Variants in PPIL2 observed in about 807,000 individuals in gnomAD.
PPIL2 encodes the protein RING-type E3 ubiquitin-protein ligase PPIL2.
In PPIL2, 50 loss-of-function variants were observed where a neutral mutation model predicts 75.2. That is an observed-to-expected ratio of 0.66 (90% CI 0.53 to 0.84). The LOEUF is 0.84. Among genes scored for constraint, PPIL2 ranks in the 40% least tolerant of loss-of-function variants. The probability of loss-of-function intolerance (pLI) is 0.00; values close to 1 mark genes in which losing one functional copy is unlikely to be tolerated. For synonymous variants in PPIL2, 245 were observed against 258.8 expected (o/e 0.95, Z 0.51); for missense variants, 590 against 685.0 (o/e 0.86, Z 1.55).
intron 1 of PPIL2, among the ~76,000 whole-genome samples, chr22:21,669,586 C>T (rs868658397): frequency 2.6e-5 from 4 of 152,084 alleles, no homozygotes; most frequent in Admixed American, 6.6e-5. Context: ...CTGCAACCTC[C>T]GCCTCCCGGG....
In PPIL2 at chr22:21,696,791, C is replaced by CTGA. The variant is rs1380017293; in HGVS notation, c.*1304_*1306dup. On this transcript the variant is annotated 3_prime_UTR_variant, in exon 20 of 20. Coordinates refer to ENST00000398831, the MANE Select transcript of PPIL2 (RefSeq NM_014337.4). ...CTGCCCTTCCTTTTCTCATCAATCA[C>CTGA]TGATGCTGAAGCTGCAGGCCTGAGC... is the stretch of plus-strand genomic sequence containing the variant. 3 of 1,549,092 alleles carry CTGA rather than the reference C, an allele frequency of 1.9e-6. No homozygotes were observed. In the African/African-American group the frequency reaches 4.1e-5, roughly 21 times the overall value.
At chr22:21,695,174 T>C in intron 19 of PPIL2, 104 bp downstream of exon 19, 2 of 1,440,034 alleles carry the variant, frequency 1.4e-6, no homozygotes, top group East Asian at 2.5e-5. Flanking sequence ...TGGGCACTGG[T>C]CCCGGCCGTG....
At chr22:21,688,480 C>T (rs76439986) in intron 14 of PPIL2, among the ~76,000 whole-genome samples, 1 of 152,220 alleles carries the variant, frequency 6.6e-6, no homozygotes, top group Non-Finnish European at 1.5e-5. Context: ...GTGGCCTTGA[C>T]TCTTTAATCC....
intron 8 of PPIL2, among the ~76,000 whole-genome samples, chr22:21,682,765 C>A (rs2067185011): frequency 6.6e-6 from 1 of 152,240 alleles, no homozygotes. Flanking sequence ...CAGAGAACCC[C>A]AAGTGAATTA....
Position 21,697,058 on chromosome 22 carries a change from G to A in PPIL2, c.*1568G>A. The A allele has an allele frequency of 6.8e-7, 1 of 1,462,378 alleles. No homozygotes were observed. Among genetic ancestry groups the A allele is most frequent in the Non-Finnish European group, 9.2e-7 (1 of 1,084,386 alleles). The allele number at this position is 1,462,378 out of a possible 1,614,324, so 90.6% of individuals were successfully genotyped here. ...TCTGTGACCATTGGTCGGGCCCCTG[G>A]GCTCTAGAGTGACTTTTGACGCCCT... is the stretch of plus-strand genomic sequence containing the variant. On this transcript the variant is annotated 3_prime_UTR_variant, in exon 20 of 20. Coordinates refer to ENST00000398831, the MANE Select transcript of PPIL2 (RefSeq NM_014337.4).
At chr22:21,666,248 C>A in intron 1 of PPIL2, 117 bp downstream of exon 1, 1 of 1,220,276 alleles carries the variant, frequency 8.2e-7, no homozygotes, top group Non-Finnish European at 1.1e-6. Flanking sequence ...GCCCAAAGGT[C>A]ACTTCCTCCC....
chr22:21,670,572 C>G lies in PPIL2; in HGVS notation c.89C>G (p.Pro30Arg). Residue 30 changes from proline (P) to arginine (R), a missense_variant, in exon 3 of 20, where the codon CCA becomes CGA. By Grantham distance (103) the Pro-to-Arg change is moderately radical. Transcript: ENST00000398831. Reference protein sequence around the residue: ...HFYGGKKPDLPQTNFRRLPFD... With the variant: ...HFYGGKKPDLRQTNFRRLPFD... ...TTATTTCATTTTTAAACAGATCTCC[C>G]ACAAACAAATTTTCGTCGTTTACCT... is the stretch of plus-strand genomic sequence containing the variant. The G allele has an allele frequency of 6.2e-7, 1 of 1,610,374 alleles. No individual in the cohort carries two copies.
chr22:21,685,559 G>T, intron 10 of PPIL2: 1 of 391,568 alleles, frequency 2.6e-6, no homozygotes, highest in Non-Finnish European at 4.9e-6. Flanking sequence ...AAGAAAGCTT[G>T]TTGTCCAGTG....
chr22:21,695,151 G>A, intron 19 of PPIL2, 81 bp downstream of exon 19: 2 of 1,468,882 alleles, frequency 1.4e-6, no homozygotes, highest in Non-Finnish European at 1.8e-6. Flanking sequence ...GACCCAGAGG[G>A]GCAAGCAAGC....
intron 1 of PPIL2, chr22:21,669,292 T>G (rs1601503064): frequency 2.5e-6 from 1 of 406,668 alleles, no homozygotes; most frequent in Non-Finnish European, 5.0e-6. Flanking sequence ...GGACCACAGG[T>G]GTGAGCTGTC....
rs974979416 is a variant in PPIL2, at chr22:21,687,836, T to C, written c.987+104T>C. The C allele has an allele frequency of 2.5e-6, 3 of 1,209,504 alleles. No individual in the cohort carries two copies. In the African/African-American group the frequency reaches 4.5e-5, roughly 18 times the overall value. The allele number at this position is 1,209,504 out of a possible 1,614,324, so 74.9% of individuals were successfully genotyped here. On this transcript the variant is annotated intron_variant, in intron 13 of 19. Coordinates refer to ENST00000398831, the MANE Select transcript of PPIL2 (RefSeq NM_014337.4). ...CCCAGGGCCCTGGCCCATCCCACGG[T>C]GGCCAGGATGAGTCCAGTTGGTGAT...
At chr22:21,687,070 T>C in intron 12 of PPIL2, 72 bp downstream of exon 12, 2 of 1,376,190 alleles carry the variant, frequency 1.5e-6, no homozygotes, top group Non-Finnish European at 2.1e-6. Flanking sequence ...ATGTCTTAAA[T>C]ATAGGGCTGC....
intron 1 of PPIL2, 43 bp downstream of exon 1, chr22:21,666,174 A>G (rs2066365481): frequency 1.3e-6 from 2 of 1,583,962 alleles, no homozygotes; most frequent in South Asian, 1.1e-5. Context: ...ACTCTGCCTC[A>G]GTGAACCGCC....
rs2067447016 is a variant in PPIL2, at chr22:21,687,983, C to G, written c.988-90C>G. ...CCAAGAGCCCAGCCCCTGTGTGGAG[C>G]CATCTGGCAGGAGGGGTGTCCTTCA... On this transcript the variant is annotated intron_variant, in intron 13 of 19. Transcript: ENST00000398831. The G allele has an allele frequency of 2.6e-6, 4 of 1,520,740 alleles. No individual in the cohort carries two copies. The South Asian group carries it at 4.5e-5, about 17-fold the overall frequency. 94.2% of individuals were successfully genotyped at this position (1,520,740 alleles called of 1,614,324 possible).
chr22:21,671,705 C>A (rs897171816), intron 4 of PPIL2, among the ~76,000 whole-genome samples: 1 of 152,134 alleles, frequency 6.6e-6, no homozygotes, highest in African/African-American at 2.4e-5. Context: ...ATCACCATGC[C>A]TGGCTTGAAA....
chr22:21,672,468 G>A (rs957744417), intron 5 of PPIL2, 87 bp downstream of exon 5: 2 of 1,355,604 alleles, frequency 1.5e-6, no homozygotes, highest in Admixed American at 1.7e-5. Flanking sequence ...CATGAACACA[G>A]GAACATGGGA....
At chr22:21,680,937 A>C (rs190652519) in intron 6 of PPIL2, among the ~76,000 whole-genome samples, 1 of 149,538 alleles carries the variant, frequency 6.7e-6, no homozygotes, top group Non-Finnish European at 1.5e-5. Flanking sequence ...CTGGCGGAGG[A>C]TGTGGGTGAG....
intron 12 of PPIL2, 89 bp from the exon 13 acceptor site, chr22:21,687,550 CAAAA>C (rs36108489): frequency 6.2e-3 from 1,868 of 303,464 alleles, no homozygotes; most frequent in East Asian, 9.7e-3. Context: ...GACTCCACCT[CAAAA>C]AAAAAAAAAA....
intron 6 of PPIL2, among the ~76,000 whole-genome samples, chr22:21,679,708 A>T (rs1227347884): frequency 1.3e-5 from 2 of 151,486 alleles, no homozygotes; most frequent in African/African-American, 4.8e-5. Flanking sequence ...AAGCACTGGG[A>T]CTAGAGGTGT....
Sources: gnomAD v4.1 joint callset for allele counts (sites outside exome capture counted in the v4.1 genomes callset) on GRCh38, gnomAD v4.1.1 for gene constraint, MANE v1.5 for transcripts, NCBI Gene and HGNC (gene_info 2026-07-23, HGNC 2026-07-21) for gene names.